Variants in PCCA observed in about 807,000 individuals in gnomAD.
PCCA encodes propionyl-CoA carboxylase subunit alpha.
In PCCA, 74 loss-of-function variants were observed where a neutral mutation model predicts 101.3. The observed-to-expected ratio is 0.73, with a 90% CI of 0.61 to 0.89. The LOEUF is 0.89. Among genes scored for constraint, PCCA ranks in the 40% least tolerant of loss-of-function variants. The pLI, the probability that PCCA is intolerant of heterozygous loss-of-function variation, is 0.00. For missense variants in PCCA, 891 were observed against 907.0 expected (o/e 0.98, Z 0.23); for synonymous variants, 294 against 313.6 (o/e 0.94, Z 0.66).
intron 21 of PCCA, among the ~76,000 whole-genome samples, chr13:100,469,426 C>T (rs2082808934): frequency 6.6e-6 from 1 of 151,998 alleles, no homozygotes; most frequent in Admixed American, 6.6e-5. Context: ...AGAAGTGAAA[C>T]CTCATGCTTT....
chr13:100,395,913 T>C (rs1839034450), intron 19 of PCCA, among the ~76,000 whole-genome samples: 1 of 152,198 alleles, frequency 6.6e-6, no homozygotes. Context: ...GGCAGTCTTA[T>C]AAAAAAGAAA....
At position 100,325,665 on chromosome 13, in the gene PCCA, C is replaced by T. The variant is rs367897122; in HGVS notation, c.1430-4896C>T. Among the ~76,000 whole-genome samples, 151 of 152,276 alleles carry T rather than the reference C, an allele frequency of 9.9e-4. 4 individuals carry two copies. In the South Asian group the frequency reaches 0.028, roughly 29 times the overall value. On this transcript the variant is annotated intron_variant, in intron 16 of 23. Transcript: ENST00000376285. Reference sequence around the variant, plus strand: ...CAAATGCAATCAGGTTTATGATCTGCACTTATCTGTGAAGCTGCTCATCTC... The same window carrying T: ...CAAATGCAATCAGGTTTATGATCTGTACTTATCTGTGAAGCTGCTCATCTC...
rs865861706 is a variant in PCCA at position 100,300,211 on chromosome 13, C to T, written c.1066-1249C>T. Among the ~76,000 whole-genome samples, 6 of 152,120 alleles carry T rather than the reference C, an allele frequency of 3.9e-5. No individual in the cohort carries two copies. In the East Asian group the frequency reaches 5.8e-4, roughly 15 times the overall value. On this transcript the variant is annotated intron_variant, in intron 12 of 23. Coordinates refer to ENST00000376285, the MANE Select transcript of PCCA (RefSeq NM_000282.4). ...AGATCTTTATTTAGTGTCACATTTA[C>T]GAAGGGTTGATGCTTATTTTAGTGA...
chr13:100,284,806 C>G (rs187569728), intron 12 of PCCA, among the ~76,000 whole-genome samples: 1 of 152,346 alleles, frequency 6.6e-6, no homozygotes, highest in Admixed American at 6.5e-5. Flanking sequence ...CACATCCCAA[C>G]TTAGGTGGAC....
chr13:100,133,305 T>C (rs572030389), intron 4 of PCCA, among the ~76,000 whole-genome samples: 2 of 152,344 alleles, frequency 1.3e-5, no homozygotes, highest in Admixed American at 1.3e-4. Context: ...GGTCCTTTGT[T>C]GGATGTATGA....
At chr13:100,116,850 T>TTTTTG (rs59718655) in intron 4 of PCCA, among the ~76,000 whole-genome samples, 3 of 151,048 alleles carry the variant, frequency 2.0e-5, no homozygotes, top group Non-Finnish European at 4.4e-5. Flanking sequence ...CATATGCTTC[T>TTTTTG]TTTTGTTTTG....
chr13:100,414,766 G>A (rs1285826263), intron 19 of PCCA, among the ~76,000 whole-genome samples: 1 of 152,028 alleles, frequency 6.6e-6, no homozygotes, highest in African/African-American at 2.4e-5. Context: ...ATGGGGAATG[G>A]GATATACATC....
At chr13:100,403,896 T>C (rs762592494) in intron 19 of PCCA, among the ~76,000 whole-genome samples, 2 of 152,116 alleles carry the variant, frequency 1.3e-5, no homozygotes, top group Non-Finnish European at 2.9e-5. Flanking sequence ...GGTTGGAATT[T>C]TTCCAAGAAC....
At chr13:100,384,438 CTT>C (rs1480105941) in intron 19 of PCCA, among the ~76,000 whole-genome samples, 8 of 152,150 alleles carry the variant, frequency 5.3e-5, no homozygotes, top group African/African-American at 1.9e-4. Context: ...AAAATAATAA[CTT>C]TGTGTTCTCA....
chr13:100,091,080 A>G (rs1432392455), intron 1 of PCCA, among the ~76,000 whole-genome samples: 1 of 152,206 alleles, frequency 6.6e-6, no homozygotes, highest in Admixed American at 6.5e-5. Context: ...AAAAAAGCCT[A>G]CAGAGGCTCT....
intron 19 of PCCA, among the ~76,000 whole-genome samples, chr13:100,382,446 C>T (rs2076281521): frequency 2.0e-5 from 3 of 152,078 alleles, no homozygotes; most frequent in Non-Finnish European, 4.4e-5. Flanking sequence ...AACATTTGAG[C>T]TGGAAAACAG....
In PCCA at chr13:100,456,554, G is replaced by T. The variant is rs573291887; in HGVS notation, c.1899+7249G>T. On this transcript the variant is annotated intron_variant, in intron 21 of 23. Transcript: ENST00000376285. ...CTGGGCGCGCTGAGTACAAGACCAG[G>T]GGGCAGGGTAAGGAGGGTGAATCTT... 5.9e-5 allele frequency among the ~76,000 whole-genome samples: 9 copies of T among 152,298 alleles called. No individual in the cohort carries two copies. In the South Asian group the frequency reaches 6.2e-4, roughly 11 times the overall value.
At chr13:100,329,520 C>T (rs1477114686) in intron 16 of PCCA, among the ~76,000 whole-genome samples, 3 of 152,108 alleles carry the variant, frequency 2.0e-5, no homozygotes, top group African/African-American at 7.2e-5. Context: ...AAGAACTCAG[C>T]GTCAACCATT....
intron 19 of PCCA, among the ~76,000 whole-genome samples, chr13:100,397,985 C>T (rs993152245): frequency 6.6e-6 from 1 of 152,152 alleles, no homozygotes; most frequent in Non-Finnish European, 1.5e-5. Context: ...TCTCTTTAAT[C>T]ATTCAGGTTC....
At chr13:100,272,602 A>G (rs927097569) in intron 11 of PCCA, among the ~76,000 whole-genome samples, 1 of 152,198 alleles carries the variant, frequency 6.6e-6, no homozygotes, top group Admixed American at 6.5e-5. Context: ...AAGTGACACT[A>G]AACAGACCTT....
chr13:100,142,147 A>G (rs565515251), intron 4 of PCCA, among the ~76,000 whole-genome samples: 1 of 152,058 alleles, frequency 6.6e-6, no homozygotes, highest in East Asian at 1.9e-4. Context: ...CCTATAAGGT[A>G]GAGTTTTTCT....
In PCCA at chr13:100,128,116, T is replaced by C. The variant is rs188694893; in HGVS notation, c.300+16055T>C. On this transcript the variant is annotated intron_variant, in intron 4 of 23. Coordinates refer to ENST00000376285, the MANE Select transcript of PCCA (RefSeq NM_000282.4). Reference sequence around the variant, plus strand: ...ATAAGGATTGAATTACTGTTACTGTTTTAAATTGAGAAAATTGGGGCTTCA... The same window carrying C: ...ATAAGGATTGAATTACTGTTACTGTCTTAAATTGAGAAAATTGGGGCTTCA... Among the ~76,000 whole-genome samples the C allele has an allele frequency of 1.8e-3, 273 of 152,246 alleles. 1 individual carries two copies. The highest frequency in any genetic ancestry group is 5.1e-3 in the African/African-American group (213 of 41,546).
intron 20 of PCCA, among the ~76,000 whole-genome samples, chr13:100,445,445 A>G (rs987945866): frequency 6.6e-6 from 1 of 152,224 alleles, no homozygotes; most frequent in East Asian, 1.9e-4. Flanking sequence ...GTACACTTAA[A>G]TATACTCAGA....
chr13:100,521,507 G>C (rs2087291727), intron 22 of PCCA, among the ~76,000 whole-genome samples: 1 of 152,194 alleles, frequency 6.6e-6, no homozygotes. Context: ...GCAGTCTCCC[G>C]TGGCCTCCTC....
Sources: allele counts gnomAD v4.1 joint callset (sites outside exome capture counted in the v4.1 genomes callset), GRCh38; gene constraint gnomAD v4.1.1; transcripts MANE v1.5; gene names NCBI Gene and HGNC (gene_info 2026-07-23, HGNC 2026-07-21).